The following VRK1 variants were observed in gnomAD, a reference collection of about 807,000 sequenced individuals.
VRK1 encodes VRK serine/threonine kinase 1.
In VRK1, 33 loss-of-function variants were observed where a neutral mutation model predicts 57.1. That is an observed-to-expected ratio of 0.58 (90% confidence interval 0.44 to 0.77). The LOEUF is 0.77. Ranked by LOEUF, VRK1 falls within the 30% of genes least tolerant of loss-of-function variation. VRK1 has a pLI of 0.00. For missense variants in VRK1, 413 were observed against 477.3 expected, an observed-to-expected ratio of 0.87 and a Z score of 1.25; for synonymous variants, 137 against 147.8, an observed-to-expected ratio of 0.93 and a Z score of 0.53.
chr14:96,834,170 T>C (rs1429357565), intron 2 of VRK1, among the ~76,000 whole-genome samples: 1 of 152,206 alleles, frequency 6.6e-6, no homozygotes, highest in Non-Finnish European at 1.5e-5. Flanking sequence ...CCTGAAATTA[T>C]GTTAGGTTAA....
intron 11 of VRK1, 190 bp downstream of exon 11, chr14:96,860,925 T>G (rs1275843470): frequency 4.2e-6 from 2 of 475,420 alleles, no homozygotes; most frequent in African/African-American, 3.9e-5. Context: ...ATTTCTTATG[T>G]TTAGTAGCAA....
intron 1 of VRK1, among the ~76,000 whole-genome samples, chr14:96,827,211 T>C (rs1400198105): frequency 1.3e-5 from 2 of 152,106 alleles, no homozygotes; most frequent in African/African-American, 2.4e-5. Context: ...AAGTTAGTAA[T>C]TTATTGCCTC....
At chr14:96,850,566 T>C (rs1168894348) in intron 5 of VRK1, among the ~76,000 whole-genome samples, 2 of 152,170 alleles carry the variant, frequency 1.3e-5, no homozygotes, top group Non-Finnish European at 2.9e-5. Flanking sequence ...AAGGTCTTAT[T>C]AAGAGTAGTG....
chr14:96,810,054 G>C (rs1314253739), intron 1 of VRK1, among the ~76,000 whole-genome samples: 1 of 152,114 alleles, frequency 6.6e-6, no homozygotes, highest in Non-Finnish European at 1.5e-5. Flanking sequence ...TGTGGTTTTC[G>C]TGGGCATTTC....
chr14:96,811,773 C>CT (rs11407124), intron 1 of VRK1, among the ~76,000 whole-genome samples: 91,544 of 148,290 alleles, frequency 0.62, 28,772 homozygotes, highest in African/African-American at 0.67. Flanking sequence ...TCTCATTAAC[C>CT]TTTTTTTTTT....
At chr14:96,855,003 G>A (rs377115149) in intron 7 of VRK1, among the ~76,000 whole-genome samples, 3 of 152,320 alleles carry the variant, frequency 2.0e-5, no homozygotes, top group African/African-American at 4.8e-5. Context: ...TGATTACACT[G>A]TAGCTATGTG....
intron 12 of VRK1, among the ~76,000 whole-genome samples, chr14:96,879,332 T>C (rs1013151664): frequency 1.3e-5 from 2 of 152,148 alleles, no homozygotes; most frequent in African/African-American, 4.8e-5. Context: ...GGACTGATTA[T>C]ATAATAAATT....
intron 11 of VRK1, 75 bp downstream of exon 11, chr14:96,860,810 C>T (rs1379512879): frequency 2.0e-6 from 3 of 1,511,370 alleles, no homozygotes; most frequent in African/African-American, 1.4e-5. Flanking sequence ...GAAAGTATAG[C>T]AGTAGTTCAA....
chr14:96,810,864 G>C lies in VRK1; in HGVS notation c.-6+13417G>C, dbSNP rs189446725. 2.5e-3 allele frequency among the ~76,000 whole-genome samples: 382 copies of C among 152,082 alleles called. 1 individual carries two copies. The highest frequency in any genetic ancestry group is 3.4e-3 in the Non-Finnish European group (228 of 67,974). On this transcript the variant is annotated intron_variant, in intron 1 of 12. Transcript: ENST00000216639. ...GTTCCCAGTTCGAATGTGCTATCTA[G>C]AACTTAGCTGCTGATGAAAGATAGT...
intron 3 of VRK1, 139 bp downstream of exon 3, chr14:96,837,956 C>T (rs1887286998): frequency 2.1e-6 from 1 of 480,468 alleles, no homozygotes; most frequent in African/African-American, 2.0e-5. Flanking sequence ...TTTAATAAGA[C>T]ACAAAAGTAG....
intron 11 of VRK1, among the ~76,000 whole-genome samples, chr14:96,869,036 G>C (rs1051816784): frequency 1.4e-4 from 21 of 151,964 alleles, no homozygotes; most frequent in African/African-American, 4.8e-4. Context: ...CAGATTATCT[G>C]CCCGCCTCAG....
chr14:96,856,832 G>T (rs1470691482), intron 10 of VRK1, among the ~76,000 whole-genome samples: 1 of 152,164 alleles, frequency 6.6e-6, no homozygotes, highest in Non-Finnish European at 1.5e-5. Flanking sequence ...GCCAGGCGTG[G>T]TGACGCACGC....
chr14:96,826,151 T>C (rs1049914853), intron 1 of VRK1, among the ~76,000 whole-genome samples: 2 of 152,220 alleles, frequency 1.3e-5, no homozygotes, highest in African/African-American at 4.8e-5. Flanking sequence ...TTTAAAAATC[T>C]ATTCACAAAA....
intron 3 of VRK1, 111 bp from the exon 4 acceptor site, chr14:96,845,977 TAAGTATC>T: frequency 1.1e-5 from 10 of 908,558 alleles, no homozygotes; most frequent in Non-Finnish European, 1.8e-5. Flanking sequence ...GTTATAAACT[TAAGTATC>T]AAAATTACAT....
At chr14:96,845,965 C>A in intron 3 of VRK1, 130 bp from the exon 4 acceptor site, 2 of 812,220 alleles carry the variant, frequency 2.5e-6, no homozygotes, top group Non-Finnish European at 4.1e-6. Context: ...AATCTTAACA[C>A]AGTTATAAAC....
intron 1 of VRK1, among the ~76,000 whole-genome samples, chr14:96,826,922 A>G (rs1487457303): frequency 6.6e-6 from 1 of 152,168 alleles, no homozygotes; most frequent in Non-Finnish European, 1.5e-5. Context: ...CCTGAACTAG[A>G]AAATAAGGAG....
At chr14:96,868,486 A>G (rs1162488701) in intron 11 of VRK1, among the ~76,000 whole-genome samples, 2 of 152,214 alleles carry the variant, frequency 1.3e-5, no homozygotes. Context: ...CCTTTTGTAA[A>G]TAGGCATAGC....
rs73357305 is a variant in VRK1, at chr14:96,825,860, T to A, written c.-5-7607T>A. On this transcript the variant is annotated intron_variant, in intron 1 of 12. Coordinates refer to ENST00000216639, the MANE Select transcript of VRK1 (RefSeq NM_003384.3). ...TTAAAGAAAATTTCATAAAAATACA[T>A]GACCCCCTAAAGGAGTTTACATGCA... is the stretch of plus-strand genomic sequence containing the variant. Among the ~76,000 whole-genome samples, 319 of 152,300 alleles carry A rather than the reference T, an allele frequency of 2.1e-3. 1 individual carries two copies. Among genetic ancestry groups the A allele is most frequent in the African/African-American group, 7.3e-3 (302 of 41,558 alleles).
chr14:96,809,131 T>A (rs2139690725), intron 1 of VRK1, among the ~76,000 whole-genome samples: 1 of 151,888 alleles, frequency 6.6e-6, no homozygotes, highest in Admixed American at 6.6e-5. Context: ...CAAACCTACA[T>A]GTGGGGTCAG....
Sources: gnomAD v4.1 joint callset for allele counts (sites outside exome capture counted in the v4.1 genomes callset) on GRCh38, gnomAD v4.1.1 for gene constraint, MANE v1.5 for transcripts, NCBI Gene and HGNC (gene_info 2026-07-23, HGNC 2026-07-21) for gene names.